The following CREB5 variants were observed in gnomAD, a reference collection of about 807,000 sequenced individuals.
CREB5 encodes the protein cyclic AMP-responsive element-binding protein 5.
CREB5 carries 19 observed loss-of-function variants against 57.1 expected under a neutral mutation model. The observed-to-expected ratio is 0.33, with a 90% CI of 0.23 to 0.49. The LOEUF is 0.49. Ranked by LOEUF, CREB5 falls within the 20% of genes least tolerant of loss-of-function variation. The pLI is 0.99. For synonymous variants in CREB5, 238 were observed against 238.3 expected, an observed-to-expected ratio of 1.00 and a Z score of 0.01; for missense variants, 579 against 671.6, an observed-to-expected ratio of 0.86 and a Z score of 1.52.
chr7:28,351,413 G>C (rs575582711), intron 1 of CREB5, among the ~76,000 whole-genome samples: 2 of 152,318 alleles, frequency 1.3e-5, no homozygotes, highest in African/African-American at 4.8e-5. Flanking sequence ...GAGGAAGAAA[G>C]ATGTTTGCAA....
chr7:28,611,275 A>G (rs1797374250), intron 5 of CREB5, among the ~76,000 whole-genome samples: 1 of 151,870 alleles, frequency 6.6e-6, no homozygotes, highest in South Asian at 2.1e-4. Flanking sequence ...ATTAAGGATA[A>G]GTTACAAAGA....
chr7:28,806,112 A>G (rs926729531), intron 8 of CREB5, among the ~76,000 whole-genome samples: 13 of 152,224 alleles, frequency 8.5e-5, no homozygotes, highest in Non-Finnish European at 1.3e-4. Context: ...TTTATGGGCA[A>G]GTTATTTCAC....
intron 5 of CREB5, among the ~76,000 whole-genome samples, chr7:28,629,525 T>C (rs1170096586): frequency 6.6e-6 from 1 of 152,216 alleles, no homozygotes; most frequent in East Asian, 1.9e-4. Flanking sequence ...GTTTCTTTGC[T>C]TTAAAAGATA....
At chr7:28,512,936 T>C (rs1423971452) in intron 4 of CREB5, among the ~76,000 whole-genome samples, 3 of 152,202 alleles carry the variant, frequency 2.0e-5, no homozygotes, top group Non-Finnish European at 4.4e-5. Context: ...CCAGAGAGTA[T>C]TGACTGTTTA....
chr7:28,775,183 C>T (rs2299114), intron 7 of CREB5, among the ~76,000 whole-genome samples: 43,550 of 151,892 alleles, frequency 0.29, 6,849 homozygotes, highest in South Asian at 0.41. Context: ...AAAACCTTGA[C>T]ATATTTTATT....
upstream of CREB5, among the ~76,000 whole-genome samples, chr7:28,411,969 A>T (rs1244178753): frequency 1.3e-5 from 2 of 152,234 alleles, no homozygotes; most frequent in Non-Finnish European, 2.9e-5. Flanking sequence ...AAAATGGCCC[A>T]GTCATGGGCA....
chr7:28,708,976 A>G (rs985769019), intron 5 of CREB5, among the ~76,000 whole-genome samples: 2 of 152,344 alleles, frequency 1.3e-5, no homozygotes, highest in Middle Eastern at 6.8e-3. Context: ...TGTCCTTGTG[A>G]GGCAAGGAGG....
chr7:28,635,390 G>A (rs1376959116), intron 5 of CREB5, among the ~76,000 whole-genome samples: 1 of 152,206 alleles, frequency 6.6e-6, no homozygotes. Context: ...AGTTCTAGAG[G>A]AGGTGGTAGT....
intron 5 of CREB5, among the ~76,000 whole-genome samples, chr7:28,602,764 T>G (rs10254819): frequency 6.6e-6 from 1 of 151,926 alleles, no homozygotes. Context: ...CTTGTGGTGA[T>G]GGAACAGTTT....
At chr7:28,410,199 T>C (rs1234153204), upstream of CREB5, 1 of 452,036 alleles carries the variant, frequency 2.2e-6, no homozygotes, top group Admixed American at 2.4e-5. Context: ...GGCGCTTGGC[T>C]TTCGCTCCAG....
chr7:28,737,505 CTGTG>C lies in CREB5; in HGVS notation c.702+13185_702+13188del, dbSNP rs1285351690. Among the ~76,000 whole-genome samples the C allele has an allele frequency of 9.3e-4, 120 of 128,628 alleles. 1 individual carries two copies. The highest frequency in any genetic ancestry group is 3.2e-3 in the African/African-American group (114 of 35,392). 84.4% of individuals were successfully genotyped at this position (128,628 alleles called of 152,430 possible). On this transcript the variant is annotated intron_variant, in intron 7 of 10. Coordinates refer to ENST00000357727, the MANE Select transcript of CREB5 (RefSeq NM_182898.4). ...GTAATTTCTCTCTCTCTCTCTCTCTCTGTGTGTGTGTGTGTATATATGTATATAT... is the reference window on the plus strand; with the variant it reads ...GTAATTTCTCTCTCTCTCTCTCTCTCTGTGTGTGTGTATATATGTATATAT...
rs368891145 is a variant in CREB5, at chr7:28,612,323, T to C, written c.464+41786T>C. ...GTTTGCAGGTCTCAGTGGTCCTATA[T>C]GGGCAACACCTACAAGCCGTGGGTC... On this transcript the variant is annotated intron_variant, in intron 5 of 10. Coordinates refer to ENST00000357727, the MANE Select transcript of CREB5 (RefSeq NM_182898.4). Among the ~76,000 whole-genome samples the C allele has an allele frequency of 7.2e-5, 11 of 152,140 alleles. No individual in the cohort carries two copies. The South Asian group carries it at 1.2e-3, about 17-fold the overall frequency.
chr7:28,313,297 C>G (rs1282567008), intron 1 of CREB5, among the ~76,000 whole-genome samples: 1 of 152,220 alleles, frequency 6.6e-6, no homozygotes, highest in Admixed American at 6.5e-5. Context: ...CACGAACACA[C>G]TTAATCTGAT....
chr7:28,714,235 A>G lies in CREB5; in HGVS notation c.465-4518A>G, dbSNP rs372640636. On this transcript the variant is annotated intron_variant, in intron 5 of 10. Coordinates refer to ENST00000357727, the MANE Select transcript of CREB5 (RefSeq NM_182898.4). ...CCAGCTCTGCCTCCCAAAGTTCTGGATGATAGGCATGAGCCACTGCACCCA... is the reference window on the plus strand; with the variant it reads ...CCAGCTCTGCCTCCCAAAGTTCTGGGTGATAGGCATGAGCCACTGCACCCA... Among the ~76,000 whole-genome samples, 20 of 152,192 alleles carry G rather than the reference A, an allele frequency of 1.3e-4. No individual in the cohort carries two copies. The East Asian group carries it at 1.5e-3, about 12-fold the overall frequency.
At chr7:28,479,993 T>C (rs568994293) in intron 1 of CREB5, among the ~76,000 whole-genome samples, 31 of 146,176 alleles carry the variant, frequency 2.1e-4, no homozygotes, top group Admixed American at 2.1e-3. Context: ...GCTGAAGATA[T>C]AGATACTTAT....
At chr7:28,780,479 C>T (rs1246484790) in intron 7 of CREB5, among the ~76,000 whole-genome samples, 2 of 152,062 alleles carry the variant, frequency 1.3e-5, no homozygotes, top group African/African-American at 2.4e-5. Flanking sequence ...CCCAGCACTT[C>T]GGGAGACTGA....
At chr7:28,775,815 C>A (rs937753741) in intron 7 of CREB5, among the ~76,000 whole-genome samples, 2 of 151,940 alleles carry the variant, frequency 1.3e-5, no homozygotes, top group Non-Finnish European at 2.9e-5. Context: ...TACATTGTAC[C>A]ATAGACAGGT....
chr7:28,513,129 G>A (rs1792786482), intron 4 of CREB5, among the ~76,000 whole-genome samples: 1 of 152,202 alleles, frequency 6.6e-6, no homozygotes, highest in Non-Finnish European at 1.5e-5. Flanking sequence ...AAGAAGGTGC[G>A]GAAGGAGAGG....
At chr7:28,521,167 C>A (rs749146380) in intron 4 of CREB5, among the ~76,000 whole-genome samples, 2 of 111,178 alleles carry the variant, frequency 1.8e-5, no homozygotes, top group Non-Finnish European at 4.1e-5. Context: ...TGCCTGTGCA[C>A]GTGTGTATAA....
Sources: gnomAD v4.1 joint callset for allele counts (sites outside exome capture counted in the v4.1 genomes callset) on GRCh38, gnomAD v4.1.1 for gene constraint, MANE v1.5 for transcripts, NCBI Gene and HGNC (gene_info 2026-07-23, HGNC 2026-07-21) for gene names.